PEX5L: variants seen among roughly 807,000 people sequenced by gnomAD.
The protein encoded by PEX5L is peroxisomal biogenesis factor 5 like.
PEX5L carries 30 observed loss-of-function variants against 84.0 expected under a neutral mutation model. That is an observed-to-expected ratio of 0.36 (90% CI 0.27 to 0.48). The LOEUF is 0.48. Among genes scored for constraint, PEX5L ranks in the 20% least tolerant of loss-of-function variants. The probability of loss-of-function intolerance (pLI) is 0.99; values close to 1 mark genes in which losing one functional copy is unlikely to be tolerated. For missense variants in PEX5L, 533 were observed against 754.6 expected, an observed-to-expected ratio of 0.71 and a Z score of 3.44; for synonymous variants, 270 against 283.1, an observed-to-expected ratio of 0.95 and a Z score of 0.46.
chr3:179,934,775 T>C (rs1774130744), intron 2 of PEX5L, among the ~76,000 whole-genome samples: 1 of 152,206 alleles, frequency 6.6e-6, no homozygotes, highest in South Asian at 2.1e-4. Flanking sequence ...ACTAATACTC[T>C]AATTGTTTGG....
intron 8 of PEX5L, among the ~76,000 whole-genome samples, chr3:179,832,754 A>G (rs554123185): frequency 6.6e-6 from 1 of 151,016 alleles, no homozygotes; most frequent in South Asian, 2.1e-4. Context: ...GTACCTACCT[A>G]CCTACCCACC....
intron 2 of PEX5L, among the ~76,000 whole-genome samples, chr3:179,952,593 A>G (rs1053858493): frequency 6.6e-6 from 1 of 152,202 alleles, no homozygotes. Context: ...TGCTCAAGGA[A>G]ATAAGAGAGG....
At chr3:179,840,459 G>A (rs537891097) in intron 8 of PEX5L, among the ~76,000 whole-genome samples, 13 of 152,136 alleles carry the variant, frequency 8.5e-5, no homozygotes, top group African/African-American at 2.9e-4. Flanking sequence ...AAAGTGCTGG[G>A]CTTACAGATG....
At chr3:179,821,423 G>A (rs1035016885) in intron 8 of PEX5L, among the ~76,000 whole-genome samples, 1 of 152,168 alleles carries the variant, frequency 6.6e-6, no homozygotes, top group Admixed American at 6.5e-5. Flanking sequence ...CTGGGCTGTG[G>A]CTGCCCTGAA....
At chr3:179,972,310 C>G (rs549367552) in intron 1 of PEX5L, among the ~76,000 whole-genome samples, 2 of 150,748 alleles carry the variant, frequency 1.3e-5, no homozygotes, top group African/African-American at 4.9e-5. Flanking sequence ...ATTTTGTCAT[C>G]ATTTATTTTG....
chr3:180,022,508 AG>A (rs1371830535), intron 1 of PEX5L, among the ~76,000 whole-genome samples: 1 of 152,236 alleles, frequency 6.6e-6, no homozygotes, highest in African/African-American at 2.4e-5. Flanking sequence ...GTTAATTTAA[AG>A]GAGGTTAAAA....
chr3:179,978,241 A>T (rs946145179), intron 1 of PEX5L, among the ~76,000 whole-genome samples: 1 of 152,172 alleles, frequency 6.6e-6, no homozygotes, highest in Non-Finnish European at 1.5e-5. Context: ...TGGTCTGTAC[A>T]TTAATAGCCT....
chr3:179,802,594 C>A (rs941287747), intron 14 of PEX5L, among the ~76,000 whole-genome samples: 1 of 147,886 alleles, frequency 6.8e-6, no homozygotes, highest in Non-Finnish European at 1.5e-5. Context: ...AGGAATGTCA[C>A]GTGGGAGAGA....
intron 8 of PEX5L, among the ~76,000 whole-genome samples, chr3:179,837,623 G>A (rs1735442300): frequency 6.6e-6 from 1 of 152,126 alleles, no homozygotes; most frequent in Non-Finnish European, 1.5e-5. Context: ...TGGTACAAGT[G>A]GTCCCTTTTA....
At chr3:179,959,137 A>C (rs1781387488) in intron 2 of PEX5L, among the ~76,000 whole-genome samples, 1 of 150,038 alleles carries the variant, frequency 6.7e-6, no homozygotes, top group African/African-American at 2.5e-5. Flanking sequence ...AATTTCTAGC[A>C]AGCGCCAGGT....
chr3:179,979,843 T>C (rs947185802), intron 1 of PEX5L, among the ~76,000 whole-genome samples: 3 of 152,202 alleles, frequency 2.0e-5, no homozygotes, highest in African/African-American at 7.2e-5. Context: ...GATGAAACCT[T>C]GTTACAGCAA....
At chr3:180,002,461 ATTAG>A (rs986252838) in intron 1 of PEX5L, among the ~76,000 whole-genome samples, 7 of 152,008 alleles carry the variant, frequency 4.6e-5, no homozygotes, top group African/African-American at 1.7e-4. Context: ...TTCCCTAACT[ATTAG>A]TTAATTTGAT....
chr3:179,818,521 A>G (rs1388688041), intron 9 of PEX5L, among the ~76,000 whole-genome samples: 1 of 152,136 alleles, frequency 6.6e-6, no homozygotes, highest in East Asian at 1.9e-4. Flanking sequence ...AATATGCTAT[A>G]AAATACTAGA....
chr3:180,023,552 C>A (rs998515588), intron 1 of PEX5L, among the ~76,000 whole-genome samples: 1 of 152,040 alleles, frequency 6.6e-6, no homozygotes, highest in African/African-American at 2.4e-5. Flanking sequence ...CTGGGGGAAT[C>A]GGCCCTGACC....
At chr3:179,817,205 AT>A (rs142591643) in intron 9 of PEX5L, among the ~76,000 whole-genome samples, 3 of 151,812 alleles carry the variant, frequency 2.0e-5, no homozygotes, top group South Asian at 2.1e-4. Flanking sequence ...AAAGTTAAAG[AT>A]TTTTTTTTAA....
At chr3:179,940,176 A>G (rs778874922) in intron 2 of PEX5L, among the ~76,000 whole-genome samples, 1 of 152,120 alleles carries the variant, frequency 6.6e-6, no homozygotes, top group Non-Finnish European at 1.5e-5. Context: ...AGACACAAGG[A>G]GCCTGGACTT....
intron 8 of PEX5L, among the ~76,000 whole-genome samples, chr3:179,835,633 T>C (rs1056160999): frequency 1.3e-5 from 2 of 152,228 alleles, no homozygotes; most frequent in African/African-American, 4.8e-5. Context: ...TCTAAAGTTA[T>C]GCTGTCATGA....
At chr3:179,960,628 T>C (rs1781771992) in intron 2 of PEX5L, among the ~76,000 whole-genome samples, 1 of 152,198 alleles carries the variant, frequency 6.6e-6, no homozygotes, top group South Asian at 2.1e-4. Flanking sequence ...AATGGCTCAT[T>C]CATCTAGACA....
intron 7 of PEX5L, among the ~76,000 whole-genome samples, chr3:179,865,459 T>C (rs1397347812): frequency 6.6e-6 from 1 of 151,996 alleles, no homozygotes; most frequent in Non-Finnish European, 1.5e-5. Context: ...GGATTCAGAA[T>C]GAAATACAGA....
Sources: gnomAD v4.1 joint callset for allele counts (sites outside exome capture counted in the v4.1 genomes callset) on GRCh38, gnomAD v4.1.1 for gene constraint, MANE v1.5 for transcripts, NCBI Gene and HGNC (gene_info 2026-07-23, HGNC 2026-07-21) for gene names.